The following SH3RF3 variants were observed in gnomAD, a reference collection of about 807,000 sequenced individuals.
SH3RF3 encodes the protein E3 ubiquitin-protein ligase SH3RF3.
A neutral mutation model predicts 66.3 loss-of-function variants in SH3RF3; 29 were observed. The ratio of observed to expected loss-of-function variants is 0.44; its 90% confidence interval spans 0.33 to 0.60. The LOEUF is 0.60. Ranked by LOEUF, SH3RF3 falls within the 20% of genes least tolerant of loss-of-function variation. The probability of loss-of-function intolerance (pLI) is 0.04; values close to 1 mark genes in which losing one functional copy is unlikely to be tolerated. For synonymous variants in SH3RF3, 583 were observed against 532.0 expected, an observed-to-expected ratio of 1.10 and a Z score of -1.32; for missense variants, 1,194 against 1,190.9, an observed-to-expected ratio of 1.00 and a Z score of -0.04.
At chr2:109,202,189 C>T (rs1678691629) in intron 1 of SH3RF3, among the ~76,000 whole-genome samples, 1 of 152,168 alleles carries the variant, frequency 6.6e-6, no homozygotes, top group Admixed American at 6.5e-5. Context: ...CAACCCTTCT[C>T]TTCCCTCCCT....
At chr2:109,206,917 T>G (rs61255275) in intron 1 of SH3RF3, among the ~76,000 whole-genome samples, 1,853 of 152,352 alleles carry the variant, frequency 0.012, 40 homozygotes, top group African/African-American at 0.043. Context: ...AGCTTGTGTT[T>G]GGGATAGCAT....
chr2:109,220,299 T>C (rs1351528746), intron 1 of SH3RF3, among the ~76,000 whole-genome samples: 2 of 152,162 alleles, frequency 1.3e-5, no homozygotes, highest in African/African-American at 4.8e-5. Flanking sequence ...GATCTCAACA[T>C]AAGAGCTAAA....
intron 1 of SH3RF3, among the ~76,000 whole-genome samples, chr2:109,249,813 C>T (rs1305376201): frequency 5.3e-5 from 8 of 151,480 alleles, no homozygotes; most frequent in Admixed American, 2.6e-4. Context: ...CCCGCCACCG[C>T]GCCCGGCTAA....
intron 8 of SH3RF3, among the ~76,000 whole-genome samples, chr2:109,482,736 C>G (rs1225134713): frequency 6.6e-6 from 1 of 152,206 alleles, no homozygotes; most frequent in African/African-American, 2.4e-5. Flanking sequence ...GCTGCTTCCT[C>G]TCCTGCAGGA....
At chr2:109,258,144 G>A (rs1680265055) in intron 1 of SH3RF3, among the ~76,000 whole-genome samples, 1 of 152,140 alleles carries the variant, frequency 6.6e-6, no homozygotes, top group Non-Finnish European at 1.5e-5. Context: ...ACTGGTAGCT[G>A]GTAAGACTTT....
chr2:109,249,001 C>G (rs1422550287), intron 1 of SH3RF3, among the ~76,000 whole-genome samples: 3 of 152,144 alleles, frequency 2.0e-5, no homozygotes, highest in Non-Finnish European at 2.9e-5. Flanking sequence ...CCCACCTCAG[C>G]CTCCTGAGTA....
At chr2:109,448,375 G>A (rs1429187327) in intron 7 of SH3RF3, among the ~76,000 whole-genome samples, 2 of 152,246 alleles carry the variant, frequency 1.3e-5, no homozygotes, top group Non-Finnish European at 2.9e-5. Context: ...TCCATGGTCT[G>A]TTAGGAACTG....
chr2:109,419,725 C>T (rs1238802512), intron 5 of SH3RF3, 83 bp downstream of exon 5: 8 of 1,347,728 alleles, frequency 5.9e-6, no homozygotes, highest in South Asian at 1.3e-5. Context: ...GTGTGGTTTC[C>T]GCAGGGTTTT....
chr2:109,130,465 C>G (rs570104633), intron 1 of SH3RF3, among the ~76,000 whole-genome samples: 1 of 152,206 alleles, frequency 6.6e-6, no homozygotes, highest in Non-Finnish European at 1.5e-5. Context: ...CCAGACACTC[C>G]CTCTGCACAC....
intron 1 of SH3RF3, among the ~76,000 whole-genome samples, chr2:109,164,146 C>T (rs895923702): frequency 3.3e-5 from 5 of 151,984 alleles, no homozygotes; most frequent in African/African-American, 9.7e-5. Flanking sequence ...ATTTTTGGTC[C>T]AGGAAAACTC....
chr2:109,346,925 TG>T (rs546198421), intron 1 of SH3RF3, among the ~76,000 whole-genome samples: 4 of 152,040 alleles, frequency 2.6e-5, no homozygotes, highest in African/African-American at 9.7e-5. Flanking sequence ...TGTGTCATGG[TG>T]GGGGGGTCTG....
At chr2:109,432,760 C>T (rs879615602) in intron 6 of SH3RF3, 89 bp downstream of exon 6, 35 of 1,471,080 alleles carry the variant, frequency 2.4e-5, no homozygotes, top group Non-Finnish European at 3.1e-5. Flanking sequence ...GCTACTCTGT[C>T]AGCCGGGCCC....
chr2:109,501,000 A>T (rs181727111), intron 9 of SH3RF3, among the ~76,000 whole-genome samples: 1 of 152,336 alleles, frequency 6.6e-6, no homozygotes, highest in East Asian at 1.9e-4. Flanking sequence ...CCTTTCACAC[A>T]TCACATTGGG....
chr2:109,134,101 T>C (rs900307813), intron 1 of SH3RF3, among the ~76,000 whole-genome samples: 1 of 152,238 alleles, frequency 6.6e-6, no homozygotes, highest in African/African-American at 2.4e-5. Flanking sequence ...GAGTGCCTGC[T>C]GCATGCTGGG....
chr2:109,305,047 T>C (rs1448925356), intron 1 of SH3RF3, among the ~76,000 whole-genome samples: 1 of 152,234 alleles, frequency 6.6e-6, no homozygotes, highest in Non-Finnish European at 1.5e-5. Context: ...CCTGGGTTTG[T>C]TGCGGTTCCC....
In SH3RF3 at chr2:109,192,459, A is replaced by G. The variant is rs757965531; in HGVS notation, c.573+62346A>G. On this transcript the variant is annotated intron_variant, in intron 1 of 9. Transcript: ENST00000309415. ...TAAGAGGAAATGCACTTTTATTATTAGAAATTTAATTTGTATTAGCCTGGT... is the reference window on the plus strand; with the variant it reads ...TAAGAGGAAATGCACTTTTATTATTGGAAATTTAATTTGTATTAGCCTGGT... 2.0e-5 allele frequency among the ~76,000 whole-genome samples: 3 copies of G among 152,342 alleles called. No homozygotes were observed. The East Asian group carries it at 5.8e-4, about 29-fold the overall frequency.
At chr2:109,210,343 T>C (rs1678944215) in intron 1 of SH3RF3, among the ~76,000 whole-genome samples, 1 of 152,230 alleles carries the variant, frequency 6.6e-6, no homozygotes, top group Non-Finnish European at 1.5e-5. Flanking sequence ...TCAAGATTTT[T>C]AATGTCACTG....
At position 109,137,963 on chromosome 2, in the gene SH3RF3, T is replaced by A. The variant is rs1244195776; in HGVS notation, c.573+7850T>A. 2.0e-5 allele frequency among the ~76,000 whole-genome samples: 3 copies of A among 152,244 alleles called. No individual in the cohort carries two copies. The East Asian group carries it at 5.8e-4, about 29-fold the overall frequency. On this transcript the variant is annotated intron_variant, in intron 1 of 9. Transcript: ENST00000309415. Reference sequence around the variant, plus strand: ...CCGACTTCTGGAGGTGTTGCCTGTGTGGAGTGCCTTTACCCATAAATGCAA... The same window carrying A: ...CCGACTTCTGGAGGTGTTGCCTGTGAGGAGTGCCTTTACCCATAAATGCAA...
chr2:109,438,391 G>A (rs1399530002), intron 7 of SH3RF3, among the ~76,000 whole-genome samples: 4 of 152,182 alleles, frequency 2.6e-5, no homozygotes, highest in Admixed American at 2.6e-4. Context: ...GGTGCAGGTG[G>A]ACTTCAGGTG....
Sources: gnomAD v4.1 joint callset for allele counts (sites outside exome capture counted in the v4.1 genomes callset) on GRCh38, gnomAD v4.1.1 for gene constraint, MANE v1.5 for transcripts, NCBI Gene and HGNC (gene_info 2026-07-23, HGNC 2026-07-21) for gene names.